HIBADH: variants seen among roughly 807,000 people sequenced by gnomAD.
The protein encoded by HIBADH is 3-hydroxyisobutyrate dehydrogenase, mitochondrial.
HIBADH carries 25 observed loss-of-function variants against 36.1 expected under a neutral mutation model. The observed-to-expected ratio is 0.69, with a 90% CI of 0.50 to 0.97. HIBADH has a LOEUF of 0.97. Ranked by LOEUF, HIBADH falls within the 50% of genes least tolerant of loss-of-function variation. The pLI, the probability that HIBADH is intolerant of heterozygous loss-of-function variation, is 0.00. For missense variants in HIBADH, 421 were observed against 418.0 expected (o/e 1.01, Z -0.06); for synonymous variants, 160 against 149.5 (o/e 1.07, Z -0.51).
chr7:27,655,130 CA>C (rs1360426809), intron 1 of HIBADH, among the ~76,000 whole-genome samples: 1 of 151,924 alleles, frequency 6.6e-6, no homozygotes. Flanking sequence ...TATATAGAAA[CA>C]AACAAGAGAA....
At chr7:27,613,102 A>T (rs1419254225) in intron 4 of HIBADH, among the ~76,000 whole-genome samples, 2 of 80,252 alleles carry the variant, frequency 2.5e-5, no homozygotes, top group Admixed American at 1.6e-4. Context: ...ATTATAATTT[A>T]TATATATTCA....
At chr7:27,613,665 GT>G (rs66518612) in intron 4 of HIBADH, among the ~76,000 whole-genome samples, 11 of 107,086 alleles carry the variant, frequency 1.0e-4, no homozygotes, top group South Asian at 6.9e-4. Context: ...GGTTTTTTTT[GT>G]TTTTTTTTTT....
At chr7:27,639,988 T>A (rs774315984) in intron 2 of HIBADH, among the ~76,000 whole-genome samples, 1 of 152,184 alleles carries the variant, frequency 6.6e-6, no homozygotes, top group Non-Finnish European at 1.5e-5. Flanking sequence ...TGAAGTAGTC[T>A]GAACTATGTG....
At chr7:27,537,111 G>A (rs1335509850) in intron 6 of HIBADH, among the ~76,000 whole-genome samples, 2 of 151,970 alleles carry the variant, frequency 1.3e-5, no homozygotes, top group Non-Finnish European at 2.9e-5. Flanking sequence ...TCCTAAAACT[G>A]GCCACAATAC....
chr7:27,539,592 T>C (rs184222671), intron 5 of HIBADH, among the ~76,000 whole-genome samples: 3 of 152,110 alleles, frequency 2.0e-5, no homozygotes, highest in South Asian at 4.1e-4. Flanking sequence ...CAAGAAAAAT[T>C]TGAAGTCCAT....
At chr7:27,660,421 T>C (rs541850553) in intron 1 of HIBADH, among the ~76,000 whole-genome samples, 1 of 152,358 alleles carries the variant, frequency 6.6e-6, no homozygotes, top group East Asian at 1.9e-4. Flanking sequence ...CCCAGCACTC[T>C]GGGAGGCCAA....
At chr7:27,603,073 G>A (rs1215624514) in intron 4 of HIBADH, among the ~76,000 whole-genome samples, 2 of 151,996 alleles carry the variant, frequency 1.3e-5, no homozygotes, top group East Asian at 1.9e-4. Context: ...GCTTGCTCAT[G>A]CCCCCTCACC....
At chr7:27,615,218 G>A (rs1785405560) in intron 4 of HIBADH, among the ~76,000 whole-genome samples, 1 of 152,134 alleles carries the variant, frequency 6.6e-6, no homozygotes, top group Non-Finnish European at 1.5e-5. Flanking sequence ...CTGCTATGAA[G>A]AAGACAGGAG....
At chr7:27,593,960 T>C (rs1784984351) in intron 4 of HIBADH, among the ~76,000 whole-genome samples, 1 of 150,908 alleles carries the variant, frequency 6.6e-6, no homozygotes, top group Admixed American at 6.6e-5. Context: ...GAGGCGGAGC[T>C]TGCAGTGAGC....
intron 7 of HIBADH, among the ~76,000 whole-genome samples, chr7:27,527,918 G>GTTTTTTTTTTTTT (rs746260280): frequency 3.2e-5 from 2 of 61,704 alleles, no homozygotes; most frequent in Non-Finnish European, 6.0e-5. Context: ...CACACCCAGC[G>GTTTTTTTTTTTTT]TTTTTTTTTT....
intron 4 of HIBADH, among the ~76,000 whole-genome samples, chr7:27,573,736 A>AACTT: frequency 6.6e-6 from 1 of 152,322 alleles, no homozygotes; most frequent in South Asian, 2.1e-4. Context: ...GGCTGCTGAG[A>AACTT]ACTTAAAATA....
chr7:27,634,243 A>G (rs1027237606), intron 2 of HIBADH, among the ~76,000 whole-genome samples: 1 of 152,202 alleles, frequency 6.6e-6, no homozygotes, highest in Non-Finnish European at 1.5e-5. Context: ...CACTCTAAAG[A>G]CAATACAGCA....
chr7:27,529,139 G>A (rs141753636), intron 7 of HIBADH, among the ~76,000 whole-genome samples: 85 of 152,242 alleles, frequency 5.6e-4, no homozygotes, highest in African/African-American at 1.9e-3. Flanking sequence ...TTCAAAATAC[G>A]ACTGCTCACT....
chr7:27,597,546 A>C (rs751840619), intron 4 of HIBADH, among the ~76,000 whole-genome samples: 26 of 152,124 alleles, frequency 1.7e-4, no homozygotes, highest in Non-Finnish European at 3.2e-4. Context: ...TATAAGAGGC[A>C]CTACCAGAAT....
At chr7:27,592,888 A>G (rs1784965555) in intron 4 of HIBADH, among the ~76,000 whole-genome samples, 1 of 152,096 alleles carries the variant, frequency 6.6e-6, no homozygotes, top group South Asian at 2.1e-4. Context: ...GTCCAGCCCA[A>G]CCTCTCTCTT....
intron 5 of HIBADH, chr7:27,541,821 C>T (rs1390199612): frequency 1.0e-5 from 4 of 381,614 alleles, no homozygotes; most frequent in South Asian, 2.0e-5. Context: ...ACACAATTTA[C>T]TAAAGAGATG....
chr7:27,587,999 A>G (rs1370934123), intron 4 of HIBADH, among the ~76,000 whole-genome samples: 6 of 152,266 alleles, frequency 3.9e-5, no homozygotes, highest in Non-Finnish European at 8.8e-5. Context: ...ATGCAATGAT[A>G]CAAATACCAA....
intron 2 of HIBADH, chr7:27,647,708 T>C (rs372409530): frequency 1.2e-5 from 5 of 417,796 alleles, no homozygotes; most frequent in African/African-American, 6.2e-5. Flanking sequence ...AAGAAACTTG[T>C]TGGGAAACAG....
At chr7:27,526,875 C>A (rs1038942238) in intron 7 of HIBADH, among the ~76,000 whole-genome samples, 4 of 152,040 alleles carry the variant, frequency 2.6e-5, no homozygotes, top group Non-Finnish European at 5.9e-5. Context: ...AGGAGAAAGA[C>A]AATTAAATAA....
Sources: gnomAD v4.1 joint callset for allele counts (sites outside exome capture counted in the v4.1 genomes callset) on GRCh38, gnomAD v4.1.1 for gene constraint, MANE v1.5 for transcripts, NCBI Gene and HGNC (gene_info 2026-07-23, HGNC 2026-07-21) for gene names.